SLC25A13: variants seen among roughly 807,000 people sequenced by gnomAD.
SLC25A13 encodes electrogenic aspartate/glutamate antiporter SLC25A13, mitochondrial.
A neutral mutation model predicts 85.5 loss-of-function variants in SLC25A13; 70 were observed. The observed-to-expected ratio is 0.82, with a 90% CI of 0.68 to 1.00. SLC25A13 has a LOEUF of 1.00. Ranked by LOEUF, SLC25A13 falls within the 50% of genes least tolerant of loss-of-function variation. The pLI is 0.00. For missense variants in SLC25A13, 765 were observed against 819.8 expected (o/e 0.93, Z 0.82); for synonymous variants, 259 against 288.7 (o/e 0.90, Z 1.04).
intron 15 of SLC25A13, among the ~76,000 whole-genome samples, chr7:96,127,517 ATATTAC>A (rs1386094382): frequency 6.6e-6 from 1 of 152,244 alleles, no homozygotes; most frequent in African/African-American, 2.4e-5. Context: ...AAAAAGCTAC[ATATTAC>A]TAAAACAATC....
At chr7:96,209,686 C>T (rs1751827815) in intron 4 of SLC25A13, among the ~76,000 whole-genome samples, 1 of 152,070 alleles carries the variant, frequency 6.6e-6, no homozygotes, top group African/African-American at 2.4e-5. Context: ...GGCTTAGGAT[C>T]TCTTTTTAGC....
intron 7 of SLC25A13, 62 bp from the exon 8 acceptor site, chr7:96,189,736 T>A: frequency 7.5e-7 from 1 of 1,336,878 alleles, no homozygotes; most frequent in Non-Finnish European, 1.1e-6. Context: ...AATTCAGCAT[T>A]AACTCAAGGC....
At position 96,121,661 on chromosome 7, in the gene SLC25A13, C is replaced by T. The variant is rs1012861731; in HGVS notation, c.1835G>A (p.Gly612Glu). 1.9e-6 allele frequency: 3 copies of T among 1,613,978 alleles called. No homozygotes were observed. The African/African-American group carries it at 4.0e-5, about 22-fold the overall frequency. ...GATTTAGCATGATACTTACACTCCT[C>T]CAAAATCAATGTAGAACCATCGCTG... The part of the protein sequence containing the change: ...LLQRWFYIDF[G>E]GVKPMGSEPV... Residue 612 changes from glycine (G) to glutamate (E), a missense_variant, in exon 17 of 18, where the codon GGA (glycine) becomes GAA (glutamate). By Grantham distance (98) the Gly-to-Glu change is moderately conservative. Transcript: ENST00000265631.
chr7:96,183,562 G>A (rs944620183), intron 11 of SLC25A13, among the ~76,000 whole-genome samples: 5 of 152,290 alleles, frequency 3.3e-5, no homozygotes, highest in African/African-American at 1.2e-4. Context: ...TTTCCTTCTC[G>A]TAGAAGGCAA....
At chr7:96,248,947 C>T (rs530377108) in intron 3 of SLC25A13, among the ~76,000 whole-genome samples, 53 of 152,178 alleles carry the variant, frequency 3.5e-4, no homozygotes, top group African/African-American at 9.4e-4. Flanking sequence ...ATTGTATAAA[C>T]GGTAGTGACT....
rs17167396 is a variant in SLC25A13 at position 96,178,719 on chromosome 7, T to C, written c.1177+5558A>G. On this transcript the variant is annotated intron_variant, in intron 11 of 17. Coordinates refer to ENST00000265631, the MANE Select transcript of SLC25A13 (RefSeq NM_014251.3). Reference sequence around the variant, plus strand: ...TTGTGTGCCCTGCCTTAGAGCTTTTTATTCCTGCTCCTGTTGCCATGCCCT... The same window carrying C: ...TTGTGTGCCCTGCCTTAGAGCTTTTCATTCCTGCTCCTGTTGCCATGCCCT... Among the ~76,000 whole-genome samples, 1,409 of 152,306 alleles carry C rather than the reference T, an allele frequency of 9.3e-3. 23 individuals are homozygous for C. Among genetic ancestry groups the C allele is most frequent in the African/African-American group, 0.033 (1,354 of 41,566 alleles).
At chr7:96,122,470 A>C (rs1791552682) in intron 15 of SLC25A13, among the ~76,000 whole-genome samples, 1 of 152,048 alleles carries the variant, frequency 6.6e-6, no homozygotes, top group South Asian at 2.1e-4. Context: ...TTTCTCTCAC[A>C]CATTCAACCA....
intron 1 of SLC25A13, among the ~76,000 whole-genome samples, chr7:96,301,169 T>A (rs1799534945): frequency 2.6e-5 from 4 of 152,212 alleles, no homozygotes; most frequent in Non-Finnish European, 1.5e-5. Flanking sequence ...GCATGCATAC[T>A]TTGCATCACA....
intron 14 of SLC25A13, among the ~76,000 whole-genome samples, chr7:96,141,298 C>T (rs1227847291): frequency 6.6e-6 from 1 of 152,120 alleles, no homozygotes; most frequent in Non-Finnish European, 1.5e-5. Flanking sequence ...ACTGAGATTA[C>T]AGACGTAAGG....
chr7:96,246,765 C>A (rs562406727), intron 3 of SLC25A13, among the ~76,000 whole-genome samples: 1 of 152,164 alleles, frequency 6.6e-6, no homozygotes, highest in African/African-American at 2.4e-5. Context: ...ACTGAAATAG[C>A]CCTTATCATT....
chr7:96,275,348 C>G (rs1202628360), intron 3 of SLC25A13, among the ~76,000 whole-genome samples: 2 of 152,160 alleles, frequency 1.3e-5, no homozygotes, highest in South Asian at 4.1e-4. Flanking sequence ...GGATCTTGAA[C>G]TAGAAATACC....
At chr7:96,176,019 T>C (rs559308590) in intron 11 of SLC25A13, among the ~76,000 whole-genome samples, 16 of 152,304 alleles carry the variant, frequency 1.1e-4, no homozygotes, top group African/African-American at 3.6e-4. Flanking sequence ...ACTACAGATG[T>C]GGGCCTTGAA....
intron 4 of SLC25A13, among the ~76,000 whole-genome samples, chr7:96,212,095 T>C (rs932762715): frequency 1.1e-3 from 5 of 4,676 alleles, no homozygotes; most frequent in East Asian, 0.12. Flanking sequence ...ACACAGATCA[T>C]GTGTGACCTA....
intron 1 of SLC25A13, among the ~76,000 whole-genome samples, chr7:96,319,417 C>G (rs1800251891): frequency 6.6e-6 from 1 of 151,688 alleles, no homozygotes; most frequent in Non-Finnish European, 1.5e-5. Flanking sequence ...TGGCACGTGC[C>G]TGTAGTCCCA....
intron 4 of SLC25A13, among the ~76,000 whole-genome samples, chr7:96,233,488 C>A (rs917204097): frequency 7.2e-5 from 11 of 152,176 alleles, no homozygotes; most frequent in African/African-American, 2.2e-4. Context: ...AGCATCTGAT[C>A]TTCTAGAAAC....
intron 3 of SLC25A13, among the ~76,000 whole-genome samples, chr7:96,276,397 G>A (rs568748000): frequency 5.6e-4 from 85 of 152,248 alleles, no homozygotes; most frequent in Admixed American, 2.5e-3. Flanking sequence ...AGAGGCAAGC[G>A]GATGGCTTGA....
chr7:96,222,470 A>T (rs554630196), intron 4 of SLC25A13, among the ~76,000 whole-genome samples: 160 of 152,312 alleles, frequency 1.1e-3, no homozygotes, highest in African/African-American at 3.8e-3. Context: ...TTTTTGAGAC[A>T]GAATATTGCT....
At chr7:96,283,623 A>T in intron 2 of SLC25A13, 1 of 305,468 alleles carries the variant, frequency 3.3e-6, no homozygotes, top group Non-Finnish European at 6.4e-6. Context: ...AAGAGAATCA[A>T]TGTGTGTGCT....
intron 4 of SLC25A13, among the ~76,000 whole-genome samples, chr7:96,228,567 G>A (rs1039881723): frequency 3.3e-5 from 5 of 152,200 alleles, no homozygotes; most frequent in African/African-American, 1.2e-4. Context: ...GGCAGTCCTC[G>A]CTCGCTCTAG....
Sources: allele counts gnomAD v4.1 joint callset (sites outside exome capture counted in the v4.1 genomes callset), GRCh38; gene constraint gnomAD v4.1.1; transcripts MANE v1.5; gene names NCBI Gene and HGNC (gene_info 2026-07-23, HGNC 2026-07-21).